Variants in ESRRG observed in about 807,000 individuals in gnomAD.
ESRRG encodes estrogen-related receptor gamma.
ESRRG carries 13 observed loss-of-function variants against 44.0 expected under a neutral mutation model. The ratio of observed to expected loss-of-function variants is 0.30; its 90% CI spans 0.19 to 0.47. The LOEUF (loss-of-function observed/expected upper bound fraction) is 0.47, where lower values mean the gene tolerates loss of function less well. Ranked by LOEUF, ESRRG falls within the 20% of genes least tolerant of loss-of-function variation. ESRRG has a pLI of 1.00. For synonymous variants in ESRRG, 215 were observed against 214.6 expected, an observed-to-expected ratio of 1.00 and a Z score of -0.02; for missense variants, 395 against 580.6, an observed-to-expected ratio of 0.68 and a Z score of 3.29.
Position 216,804,298 on chromosome 1 carries a change from C to T in ESRRG, c.-13-126807G>A, listed in dbSNP as rs574020751. Among the ~76,000 whole-genome samples the T allele has an allele frequency of 2.3e-3, 348 of 152,236 alleles. 2 individuals carry two copies. Among genetic ancestry groups the T allele is most frequent in the African/African-American group, 7.9e-3 (329 of 41,546 alleles). ...GCCAAGCTTACCAGTGACTGACGCT[C>T]GCTTAACTGAGCAAAGATTTGCTCT... On this transcript the variant is annotated intron_variant, in intron 2 of 7. Transcript: ENST00000359162.
chr1:217,110,185 G>T (rs147250764), intron 1 of ESRRG, among the ~76,000 whole-genome samples: 3 of 152,120 alleles, frequency 2.0e-5, no homozygotes, highest in Non-Finnish European at 4.4e-5. Context: ...TCATGCACAC[G>T]CCAAATATGG....
intron 1 of ESRRG, among the ~76,000 whole-genome samples, chr1:217,125,599 G>A (rs1475149880): frequency 6.6e-6 from 1 of 152,094 alleles, no homozygotes; most frequent in Non-Finnish European, 1.5e-5. Context: ...ACAAATTAAT[G>A]AATATTGTAT....
At chr1:216,593,475 T>C (rs2057995178) in intron 3 of ESRRG, among the ~76,000 whole-genome samples, 1 of 152,212 alleles carries the variant, frequency 6.6e-6, no homozygotes. Context: ...AAGTGGAACA[T>C]CTAGGACAAC....
At chr1:217,041,553 C>A (rs1475688547) in intron 1 of ESRRG, among the ~76,000 whole-genome samples, 2 of 152,096 alleles carry the variant, frequency 1.3e-5, no homozygotes, top group African/African-American at 4.8e-5. Flanking sequence ...GCTAGCTATG[C>A]CCAAGTTAGA....
chr1:216,967,960 ATTG>A (rs1300259993), intron 1 of ESRRG, among the ~76,000 whole-genome samples: 7 of 152,090 alleles, frequency 4.6e-5, no homozygotes, highest in African/African-American at 1.4e-4. Flanking sequence ...GTGGTATTTC[ATTG>A]TTGTTTTAAT....
chr1:216,768,911 C>CA (rs1253095640), intron 2 of ESRRG, among the ~76,000 whole-genome samples: 1 of 152,028 alleles, frequency 6.6e-6, no homozygotes, highest in East Asian at 1.9e-4. Flanking sequence ...TAAATCCCCC[C>CA]CATATATATG....
At chr1:216,631,117 C>T (rs1293746892) in intron 3 of ESRRG, among the ~76,000 whole-genome samples, 5 of 151,764 alleles carry the variant, frequency 3.3e-5, no homozygotes, top group Non-Finnish European at 5.9e-5. Flanking sequence ...ACTTTTCTAT[C>T]ACATTAAAAA....
At chr1:216,548,865 T>C (rs2149359799) in intron 5 of ESRRG, among the ~76,000 whole-genome samples, 1 of 152,248 alleles carries the variant, frequency 6.6e-6, no homozygotes, top group East Asian at 1.9e-4. Context: ...ACATTTAAAA[T>C]AATTAAGTAA....
At position 216,879,927 on chromosome 1, in the gene ESRRG, C is replaced by A. The variant is rs2096416256; in HGVS notation, c.-14+59655G>T. 4.6e-5 allele frequency among the ~76,000 whole-genome samples: 7 copies of A among 152,170 alleles called. No individual in the cohort carries two copies. The South Asian group carries it at 1.5e-3, about 32-fold the overall frequency. ...ATGTCCTGAACTTTATATTTGTGAA[C>A]TATATAGTTGTTCATCTTAAATGCC... On this transcript the variant is annotated intron_variant, in intron 2 of 7. Coordinates refer to the ESRRG transcript ENST00000359162.
At chr1:216,596,210 A>G (rs922527672) in intron 3 of ESRRG, among the ~76,000 whole-genome samples, 2 of 152,158 alleles carry the variant, frequency 1.3e-5, no homozygotes, top group African/African-American at 4.8e-5. Flanking sequence ...TTACTGCCCA[A>G]AGTAATAAAG....
At chr1:216,594,958 C>T (rs1289931915) in intron 3 of ESRRG, among the ~76,000 whole-genome samples, 3 of 152,194 alleles carry the variant, frequency 2.0e-5, no homozygotes, top group Non-Finnish European at 4.4e-5. Context: ...TAGCATCTGT[C>T]ATATCACAAG....
intron 2 of ESRRG, among the ~76,000 whole-genome samples, chr1:216,787,568 C>T (rs1198956230): frequency 7.1e-6 from 1 of 140,664 alleles, no homozygotes; most frequent in Non-Finnish European, 1.5e-5. Flanking sequence ...TACTACTGCA[C>T]TCCAGCCTGG....
intron 5 of ESRRG, among the ~76,000 whole-genome samples, chr1:216,548,434 T>C (rs2055230891): frequency 6.6e-6 from 1 of 152,152 alleles, no homozygotes; most frequent in Non-Finnish European, 1.5e-5. Flanking sequence ...CTTTCTTCGA[T>C]GAATGATGTC....
At chr1:217,069,563 C>G (rs546748243) in intron 1 of ESRRG, among the ~76,000 whole-genome samples, 44 of 152,218 alleles carry the variant, frequency 2.9e-4, no homozygotes, top group Middle Eastern at 3.4e-3. Flanking sequence ...GACTTTTCAT[C>G]TTCCTCTTTC....
At chr1:216,667,258 G>A (rs932689296) in intron 2 of ESRRG, among the ~76,000 whole-genome samples, 5 of 152,196 alleles carry the variant, frequency 3.3e-5, no homozygotes, top group African/African-American at 1.2e-4. Context: ...GTATGCGTGT[G>A]TAAAGAGAAT....
chr1:216,923,716 C>T (rs1305605100), intron 2 of ESRRG, among the ~76,000 whole-genome samples: 2 of 152,208 alleles, frequency 1.3e-5, no homozygotes, highest in Admixed American at 6.5e-5. Flanking sequence ...CTCCAACCCT[C>T]ACTCCTACAA....
intron 2 of ESRRG, among the ~76,000 whole-genome samples, chr1:216,875,215 T>A (rs762239776): frequency 6.6e-6 from 1 of 152,194 alleles, no homozygotes. Context: ...TTGGCTTTTA[T>A]TTTTTACACT....
chr1:216,742,795 C>G (rs2090918785), intron 2 of ESRRG, among the ~76,000 whole-genome samples: 1 of 151,928 alleles, frequency 6.6e-6, no homozygotes, highest in Non-Finnish European at 1.5e-5. Context: ...GTAAACTGTA[C>G]AAGAAAACAA....
At chr1:216,692,316 G>GTGTA (rs1204323295) in intron 1 of ESRRG, among the ~76,000 whole-genome samples, 2 of 390 alleles carry the variant, frequency 5.1e-3, no homozygotes, top group Non-Finnish European at 0.018. Context: ...TAGTGTATGT[G>GTGTA]TGTGTGTGTG....
Sources: gnomAD v4.1 joint callset for allele counts (sites outside exome capture counted in the v4.1 genomes callset) on GRCh38, gnomAD v4.1.1 for gene constraint, MANE v1.5 for transcripts, NCBI Gene and HGNC (gene_info 2026-07-23, HGNC 2026-07-21) for gene names.